The following ELP4 variants were observed in gnomAD, a reference collection of about 807,000 sequenced individuals.
The protein encoded by ELP4 is elongator complex protein 4.
In ELP4, 51 loss-of-function variants were observed where a neutral mutation model predicts 48.9. That is an observed-to-expected ratio of 1.04 (90% CI 0.83 to 1.32). The LOEUF is 1.32. Ranked by LOEUF, ELP4 falls within the 40% of genes most tolerant of loss-of-function variation. The pLI, the probability that ELP4 is intolerant of heterozygous loss-of-function variation, is 0.00. For missense variants in ELP4, 519 were observed against 514.6 expected, an observed-to-expected ratio of 1.01 and a Z score of -0.08; for synonymous variants, 210 against 189.2, an observed-to-expected ratio of 1.11 and a Z score of -0.90.
intron 6 of ELP4, among the ~76,000 whole-genome samples, chr11:31,630,955 A>G: frequency 6.6e-6 from 1 of 152,096 alleles, no homozygotes; most frequent in Non-Finnish European, 1.5e-5. Context: ...AAAAAAAAGA[A>G]AAAAGAAAGA....
intron 3 of ELP4, among the ~76,000 whole-genome samples, chr11:31,572,473 C>A (rs1455033991): frequency 6.6e-6 from 1 of 152,128 alleles, no homozygotes; most frequent in Admixed American, 6.6e-5. Flanking sequence ...ATTGTCATGT[C>A]ACATTTTTAA....
At chr11:31,551,295 C>T (rs1956846877) in intron 3 of ELP4, among the ~76,000 whole-genome samples, 1 of 152,170 alleles carries the variant, frequency 6.6e-6, no homozygotes, top group African/African-American at 2.4e-5. Context: ...CTGCAGCCTT[C>T]ATCGTCAACA....
chr11:31,696,016 C>T (rs1209776719), intron 9 of ELP4, among the ~76,000 whole-genome samples: 1 of 151,548 alleles, frequency 6.6e-6, no homozygotes, highest in Non-Finnish European at 1.5e-5. Flanking sequence ...TGGTGATATC[C>T]CCTTTATCAT....
chr11:31,695,325 T>A (rs1021597117), intron 9 of ELP4, among the ~76,000 whole-genome samples: 9 of 152,120 alleles, frequency 5.9e-5, no homozygotes, highest in Non-Finnish European at 1.3e-4. Flanking sequence ...TTTTGAGATA[T>A]GTCCCATCAA....
chr11:31,592,494 GTGTGTATATA>G (rs1348789682), intron 3 of ELP4, among the ~76,000 whole-genome samples: 5 of 149,614 alleles, frequency 3.3e-5, no homozygotes, highest in African/African-American at 9.8e-5. Context: ...ATATATATAT[GTGTGTATATA>G]TGTGTATATA....
chr11:31,678,504 TG>T (rs1228349033), intron 9 of ELP4, among the ~76,000 whole-genome samples: 1 of 20,396 alleles, frequency 4.9e-5, no homozygotes, highest in African/African-American at 7.6e-5. Context: ...TATGTGTGTG[TG>T]TGTGTGTGTG....
Position 31,790,119 on chromosome 11 carries a change from A to AAAAAAAC in ELP4, c.*6596_*6597insAAAAACA, listed in dbSNP as rs1554982404. The AAAAAAAC allele has an allele frequency of 1.3e-6, 1 of 771,870 alleles. No homozygotes were observed. The highest frequency in any genetic ancestry group is 1.8e-5 in the African/African-American group (1 of 54,078). 47.8% of individuals were successfully genotyped at this position (771,870 alleles called of 1,614,324 possible). A position where few individuals can be genotyped will look rare whatever the true frequency, so the allele number is the denominator to read the frequency against. ...TTACAAAAAAAAAAAAAAAAAAAAA[A>AAAAAAAC]ACTAATACTTTCTAACATTTTTTAC... On this transcript the variant is annotated 3_prime_UTR_variant, in exon 10 of 10. Transcript: ENST00000640961.
chr11:31,664,048 G>A (rs1199938758), intron 9 of ELP4: 1 of 152,072 alleles, frequency 6.6e-6, no homozygotes, highest in Non-Finnish European at 1.5e-5. Flanking sequence ...TCAATGTAGT[G>A]TTTTCAGCCT....
At chr11:31,587,834 A>G (rs1957504145) in intron 3 of ELP4, among the ~76,000 whole-genome samples, 1 of 152,108 alleles carries the variant, frequency 6.6e-6, no homozygotes, top group African/African-American at 2.4e-5. Flanking sequence ...TAAAAACTAA[A>G]TATATTTATA....
At chr11:31,758,062 G>A (rs912076062) in intron 9 of ELP4, among the ~76,000 whole-genome samples, 1 of 151,978 alleles carries the variant, frequency 6.6e-6, no homozygotes, top group Non-Finnish European at 1.5e-5. Context: ...AACAATTCAG[G>A]ACTATATTAA....
intron 7 of ELP4, among the ~76,000 whole-genome samples, chr11:31,636,673 TGAA>T (rs1355083393): frequency 3.3e-5 from 5 of 151,970 alleles, no homozygotes; most frequent in Non-Finnish European, 5.9e-5. Flanking sequence ...GTGAGTAGAA[TGAA>T]GAAGACTTAT....
chr11:31,732,357 T>A (rs1947209987), intron 9 of ELP4, among the ~76,000 whole-genome samples: 1 of 151,968 alleles, frequency 6.6e-6, no homozygotes, highest in Admixed American at 6.6e-5. Context: ...GTTATCAGCT[T>A]AAAATATTTT....
At chr11:31,531,210 G>A (rs1956390440) in intron 2 of ELP4, among the ~76,000 whole-genome samples, 1 of 152,180 alleles carries the variant, frequency 6.6e-6, no homozygotes, top group African/African-American at 2.4e-5. Flanking sequence ...ATGTGTATAT[G>A]TGTATAAAAT....
At chr11:31,549,747 A>C (rs1222422832) in intron 3 of ELP4, among the ~76,000 whole-genome samples, 1 of 152,258 alleles carries the variant, frequency 6.6e-6, no homozygotes, top group Non-Finnish European at 1.5e-5. Flanking sequence ...CAAATGTCCA[A>C]CAATTATAGA....
At chr11:31,649,160 T>TAGCTTA in intron 8 of ELP4, 1 of 151,728 alleles carries the variant, frequency 6.6e-6, no homozygotes, top group Non-Finnish European at 1.5e-5. Context: ...TTTAAAGGTT[T>TAGCTTA]AAGCTAAGAC....
At chr11:31,653,119 A>G (rs574738248) in intron 9 of ELP4, 1 of 151,816 alleles carries the variant, frequency 6.6e-6, no homozygotes, top group South Asian at 2.1e-4. Context: ...TCAAGTGAAA[A>G]TATTTATCTA....
chr11:31,742,546 G>T (rs1947479447), intron 9 of ELP4, among the ~76,000 whole-genome samples: 1 of 152,216 alleles, frequency 6.6e-6, no homozygotes. Context: ...ACTAACGGCT[G>T]ATCTCTCTGC....
intron 9 of ELP4, among the ~76,000 whole-genome samples, chr11:31,781,195 A>G (rs977412598): frequency 6.6e-6 from 1 of 152,214 alleles, no homozygotes; most frequent in African/African-American, 2.4e-5. Context: ...GATTTACCAA[A>G]CAGCCTAATC....
chr11:31,756,056 T>G (rs1280337362), intron 9 of ELP4, among the ~76,000 whole-genome samples: 2 of 152,176 alleles, frequency 1.3e-5, no homozygotes, highest in African/African-American at 4.8e-5. Flanking sequence ...GAAATTTATT[T>G]AAAAGAATCA....
Sources: gnomAD v4.1 joint callset for allele counts (sites outside exome capture counted in the v4.1 genomes callset) on GRCh38, gnomAD v4.1.1 for gene constraint, MANE v1.5 for transcripts, NCBI Gene and HGNC (gene_info 2026-07-23, HGNC 2026-07-21) for gene names.